Variants in DDR1 observed in about 807,000 individuals in gnomAD.
DDR1 encodes discoidin domain receptor tyrosine kinase 1, also known as epithelial discoidin domain-containing receptor 1.
A neutral mutation model predicts 97.4 loss-of-function variants in DDR1; 64 were observed. The observed-to-expected ratio is 0.66, with a 90% confidence interval of 0.54 to 0.81. The LOEUF is 0.81. Ranked by LOEUF, DDR1 falls within the 30% of genes least tolerant of loss-of-function variation. The pLI is 0.00. For missense variants in DDR1, 990 were observed against 1,259.6 expected, an observed-to-expected ratio of 0.79 and a Z score of 3.24; for synonymous variants, 458 against 503.7, an observed-to-expected ratio of 0.91 and a Z score of 1.21.
At position 30,884,880 on chromosome 6, in the gene DDR1, C is replaced by G. The variant is rs1285449011; in HGVS notation, c.-43+170C>G. 4 of 354,406 alleles carry G rather than the reference C, an allele frequency of 1.1e-5. No homozygotes were observed. Among genetic ancestry groups the G allele is most frequent in the Non-Finnish European group, 2.0e-5 (4 of 195,568 alleles). 22.0% of individuals were successfully genotyped at this position (354,406 alleles called of 1,614,324 possible). A position where few individuals can be genotyped will look rare whatever the true frequency, so the allele number is the denominator to read the frequency against. On this transcript the variant is annotated intron_variant, in intron 1 of 17. Coordinates refer to ENST00000376568, the MANE Select transcript of DDR1 (RefSeq NM_001297654.2). The surrounding 1 kb of genome is among the most constrained non-coding windows in gnomAD (Gnocchi z 6.1). ...CCCGCCTCCCCGATGCTCTGGCATA[C>G]CGTCTGAAAACCGGGGGCGGGGACT...
rs1478145010 is a variant in DDR1 at position 30,892,440 on chromosome 6, G to A, written c.997G>A (p.Ala333Thr). 2 of 1,608,018 alleles carry A rather than the reference G, an allele frequency of 1.2e-6. No homozygotes were observed. Among genetic ancestry groups the A allele is most frequent in the African/African-American group, 1.3e-5 (1 of 75,048 alleles). The change falls in exon 8 of 18, where the codon GCT (alanine) becomes ACT (threonine). Residue 333 changes from alanine to threonine, a missense_variant. Ala to Thr is a moderately conservative substitution (Grantham distance 58). Transcript: ENST00000376568. The part of the protein sequence containing the change: ...GGNLGDPRAR[A>T]VSVPLGGRVA... The stretch of plus-strand genomic sequence containing the variant: ...CAACCTGGGGGACCCCAGAGCCCGG[G>A]CTGTCTCAGTGCCCCTTGGCGGCCG...
rs752794261 is a variant in DDR1, at chr6:30,899,334, C to T, written c.*38C>T. 6.4e-7 allele frequency: 1 copy of T among 1,573,574 alleles called. No individual in the cohort carries two copies. Among genetic ancestry groups the T allele is most frequent in the East Asian group, 2.2e-5 (1 of 44,460 alleles). On this transcript the variant is annotated 3_prime_UTR_variant, in exon 18 of 18. Transcript: ENST00000376568. ...GCTGCCCCTCCCTCAGGGAGCGATC[C>T]AGGGGAAGCCAGTGACACTAAAACA...
chr6:30,896,503 C>T (rs1790806588), intron 12 of DDR1, 118 bp from the exon 13 acceptor site: 1 of 1,299,628 alleles, frequency 7.7e-7, no homozygotes, highest in Admixed American at 2.3e-5. Flanking sequence ...CAGCATAGAC[C>T]CAGTCTCTCA....
chr6:30,885,896 G>A (rs1785620523), intron 1 of DDR1: 5 of 1,152,502 alleles, frequency 4.3e-6, no homozygotes, highest in Non-Finnish European at 5.8e-6. Flanking sequence ...GGAGAGGAGC[G>A]TGAAGGGCTT....
intron 1 of DDR1, chr6:30,885,164 C>T: frequency 6.6e-6 from 10 of 1,521,574 alleles, no homozygotes; most frequent in Non-Finnish European, 7.9e-6. Context: ...CCACTCTAAC[C>T]CACCAGTGAC....
chr6:30,887,363 G>T (rs1786244383), intron 1 of DDR1, among the ~76,000 whole-genome samples: 1 of 152,158 alleles, frequency 6.6e-6, no homozygotes. Context: ...TAGAAAAATA[G>T]TACAATCAAC....
intron 8 of DDR1, 162 bp downstream of exon 8, chr6:30,892,704 T>G: frequency 1.1e-6 from 1 of 923,396 alleles, no homozygotes; most frequent in Non-Finnish European, 1.6e-6. Context: ...AGCCCCTTTC[T>G]GCCTCTTGTT....
Position 30,888,854 on chromosome 6 carries a change from T to C in DDR1, c.85+40T>C. 1 of 1,612,914 alleles carries C rather than the reference T, an allele frequency of 6.2e-7. No homozygotes were observed. The highest frequency in any genetic ancestry group is 1.6e-4 in the Middle Eastern group (1 of 6,062). The stretch of plus-strand genomic sequence containing the variant: ...TCATGGGTCCCTGAGGGCCAGGGCT[T>C]GGGAGGTAGAGAGTTGGGGGCCTTG... On this transcript the variant is annotated intron_variant, in intron 2 of 17. Transcript: ENST00000376568. The surrounding 1 kb of genome is among the most constrained non-coding windows in gnomAD (Gnocchi z 4.2).
Position 30,889,719 on chromosome 6 carries a change from C to T in DDR1, c.417+289C>T, listed in dbSNP as rs543586993. Among the ~76,000 whole-genome samples the T allele has an allele frequency of 6.6e-6, 1 of 151,946 alleles. No homozygotes were observed. The highest frequency in any genetic ancestry group is 1.9e-4 in the East Asian group (1 of 5,172). On this transcript the variant is annotated intron_variant, in intron 4 of 17. Coordinates refer to ENST00000376568, the MANE Select transcript of DDR1 (RefSeq NM_001297654.2). This position sits in a 1 kb window ranked among gnomAD's most constrained non-coding sequence, Gnocchi z 4.9. ...TTAGCCTCCCAAAGTGCTGGGATTA[C>T]AAGCACTGTAGCCAGCCACCTAGAT...
At position 30,888,923 on chromosome 6, in the gene DDR1, C is replaced by T. The variant is rs2150287981; in HGVS notation, c.101C>T (p.Ala34Val). 6.2e-7 allele frequency: 1 copy of T among 1,613,048 alleles called. No homozygotes were observed. Reference protein sequence around the residue: ...GHFDPAKCRYALGMQDRTIPD... With the variant: ...GHFDPAKCRYVLGMQDRTIPD... ...TTTTACTCAGCCAAGTGCCGCTATG[C>T]CCTGGGCATGCAGGACCGGACCATC... is the stretch of plus-strand genomic sequence containing the variant. Residue 34 changes from alanine to valine, a missense_variant, in exon 3 of 18, where the codon GCC (alanine) becomes GTC (valine). By Grantham distance (64) the Ala-to-Val change is moderately conservative. Transcript: ENST00000376568. This position sits in a 1 kb window ranked among gnomAD's most constrained non-coding sequence, Gnocchi z 4.2.
At position 30,892,349 on chromosome 6, in the gene DDR1, A is replaced by G. The variant is rs201744183; in HGVS notation, c.906A>G (p.Glu302=). The G allele has an allele frequency of 6.3e-7, 1 of 1,579,430 alleles. No homozygotes were observed. Among genetic ancestry groups the G allele is most frequent in the African/African-American group, 1.3e-5 (1 of 74,364 alleles). ...TLGARLPGGV[E]CRFRRGPAMA... ...GAGCCCGTCTGCCTGGCGGGGTGGA[A>G]TGTCGCTTCCGGCGTGGCCCTGCCA... Residue 302 remains glutamate (E), a synonymous_variant, in exon 8 of 18, where the codon GAA becomes GAG. Transcript: ENST00000376568.
rs1285226494 is a variant in DDR1 at position 30,889,026 on chromosome 6, G to A, written c.188+16G>A. 4 of 1,612,434 alleles carry A rather than the reference G, an allele frequency of 2.5e-6. No individual in the cohort carries two copies. The highest frequency in any genetic ancestry group is 2.2e-5 in the East Asian group (1 of 44,886). On this transcript the variant is annotated intron_variant, in intron 3 of 17. Transcript: ENST00000376568. The surrounding 1 kb of genome is among the most constrained non-coding windows in gnomAD (Gnocchi z 4.9). ...GCCACAGCAGGTACTTGGCACACCT[G>A]GCACACTTGTAGCTGCCCCGAGAGG... is the stretch of plus-strand genomic sequence containing the variant.
Position 30,888,798 on chromosome 6 carries a change from G to A in DDR1, c.69G>A (p.Lys23=). 2 of 1,613,020 alleles carry A rather than the reference G, an allele frequency of 1.2e-6. No individual in the cohort carries two copies. Among genetic ancestry groups the A allele is most frequent in the Non-Finnish European group, 1.7e-6 (2 of 1,180,014 alleles). Residue 23 remains lysine, a synonymous_variant, in exon 2 of 18, where the codon AAG becomes AAA. Coordinates refer to ENST00000376568, the MANE Select transcript of DDR1 (RefSeq NM_001297654.2). This position sits in a 1 kb window ranked among gnomAD's most constrained non-coding sequence, Gnocchi z 4.2. ...LLVASGDADM[K]GHFDPAKCRY... is the part of the protein sequence containing the mutation. ...TGGCAAGTGGAGATGCTGACATGAA[G>A]GGACATTTTGATCCTGGTGAGGAGA...
upstream of DDR1, chr6:30,882,589 G>A (rs959569466): frequency 4.6e-5 from 7 of 152,352 alleles, no homozygotes; most frequent in Non-Finnish European, 8.8e-5. The surrounding 1 kb of genome is among the most constrained non-coding windows in gnomAD (Gnocchi z 4.8). Flanking sequence ...CTGGGCCCCA[G>A]CCTTGCATCC....
intron 13 of DDR1, 74 bp from the exon 14 acceptor site, chr6:30,896,940 G>A (rs1239950164): frequency 6.4e-7 from 1 of 1,572,278 alleles, no homozygotes; most frequent in African/African-American, 1.3e-5. Context: ...CCCTAGCCAG[G>A]AACCTTAGTC....
upstream of DDR1, chr6:30,883,169 G>A (rs1460903135): frequency 6.6e-6 from 1 of 152,362 alleles, no homozygotes; most frequent in African/African-American, 2.4e-5. This position sits in a 1 kb window ranked among gnomAD's most constrained non-coding sequence, Gnocchi z 4.9. Context: ...CTTCCTGGTA[G>A]TGCTTTTGTG....
At position 30,890,174 on chromosome 6, in the gene DDR1, C is replaced by T. The variant is rs1787524677; in HGVS notation, c.417+744C>T. On this transcript the variant is annotated intron_variant, in intron 4 of 17. Transcript: ENST00000376568. This position sits in a 1 kb window ranked among gnomAD's most constrained non-coding sequence, Gnocchi z 5.0. The stretch of plus-strand genomic sequence containing the variant: ...ATACGTCACACCTAGCTGACACCCC[C>T]ATGCTGGCTTTCCACTCTGCCAGAA... Among the ~76,000 whole-genome samples the T allele has an allele frequency of 6.6e-6, 1 of 152,184 alleles. No homozygotes were observed. The highest frequency in any genetic ancestry group is 1.5e-5 in the Non-Finnish European group (1 of 68,032).
At position 30,889,179 on chromosome 6, in the gene DDR1, T is replaced by C. The variant is rs757829540; in HGVS notation, c.189-23T>C. 6.2e-7 allele frequency: 1 copy of C among 1,608,038 alleles called. No individual in the cohort carries two copies. Among genetic ancestry groups the C allele is most frequent in the South Asian group, 1.1e-5 (1 of 90,976 alleles). On this transcript the variant is annotated intron_variant, in intron 3 of 17. Transcript: ENST00000376568. The surrounding 1 kb of genome is among the most constrained non-coding windows in gnomAD (Gnocchi z 4.9). ...GAGGCAGACCTGGGGCCAGATGTTCTCTGTGCCCCTCTTCACCCTCAGGTT... is the reference window on the plus strand; with the variant it reads ...GAGGCAGACCTGGGGCCAGATGTTCCCTGTGCCCCTCTTCACCCTCAGGTT...
At position 30,898,617 on chromosome 6, in the gene DDR1, A is replaced by G. The variant is rs572548530; in HGVS notation, c.2452-271A>G. 1.2e-4 allele frequency among the ~76,000 whole-genome samples: 19 copies of G among 152,240 alleles called. No individual in the cohort carries two copies. In the South Asian group the frequency reaches 3.7e-3, roughly 30 times the overall value. ...GGTAGGGAGACCGAAGGTCAGGACC[A>G]GAAAGTGGGGGTGGATGGAGAGGAA... On this transcript the variant is annotated intron_variant, in intron 16 of 17. Transcript: ENST00000376568.
Sources: gnomAD v4.1 joint callset for allele counts (sites outside exome capture counted in the v4.1 genomes callset) on GRCh38, gnomAD v4.1.1 for gene constraint, Gnocchi (gnomAD v3.1) non-coding constraint, MANE v1.5 for transcripts, NCBI Gene and HGNC (gene_info 2026-07-23, HGNC 2026-07-21) for gene names.